Variants in UGP2 observed in about 807,000 individuals in gnomAD.
UGP2 encodes the protein UTP--glucose-1-phosphate uridylyltransferase.
UGP2 carries 40 observed loss-of-function variants against 49.0 expected under a neutral mutation model. That is an observed-to-expected ratio of 0.82 (90% CI 0.63 to 1.06). The LOEUF is 1.06. Ranked by LOEUF, UGP2 falls within the 50% of genes least tolerant of loss-of-function variation. The probability of loss-of-function intolerance (pLI) is 0.00; values close to 1 mark genes in which losing one functional copy is unlikely to be tolerated. For missense variants in UGP2, 460 were observed against 603.5 expected (o/e 0.76, Z 2.49); for synonymous variants, 225 against 213.0 (o/e 1.06, Z -0.49).
At chr2:63,873,610 G>A (rs910834422) in intron 3 of UGP2, among the ~76,000 whole-genome samples, 15 of 152,036 alleles carry the variant, frequency 9.9e-5, no homozygotes, top group African/African-American at 3.6e-4. Context: ...AAAAGTAGTT[G>A]GTGAAATGAA....
intron 1 of UGP2, among the ~76,000 whole-genome samples, chr2:63,846,682 T>G (rs369150579): frequency 3.9e-4 from 59 of 152,314 alleles, no homozygotes; most frequent in African/African-American, 1.3e-3. Flanking sequence ...GAGCTAATTA[T>G]AACTGGAGGG....
At chr2:63,890,016 ATAT>A in intron 8 of UGP2, 62 bp from the exon 9 acceptor site, 1 of 1,263,086 alleles carries the variant, frequency 7.9e-7, no homozygotes, top group Non-Finnish European at 1.1e-6. Flanking sequence ...TTTCTTGTTA[ATAT>A]TTTTCCTGTC....
chr2:63,880,365 G>A (rs1671220686), intron 3 of UGP2, among the ~76,000 whole-genome samples: 1 of 151,912 alleles, frequency 6.6e-6, no homozygotes. Context: ...GTAGGGTCGG[G>A]GTTTCACCAT....
intron 5 of UGP2, among the ~76,000 whole-genome samples, chr2:63,884,737 C>T (rs992687782): frequency 1.1e-4 from 17 of 151,886 alleles, no homozygotes; most frequent in Admixed American, 7.2e-4. Context: ...CATAATGAGA[C>T]GTCGTCTCTA....
At chr2:63,883,805 G>A (rs1382356569) in intron 4 of UGP2, among the ~76,000 whole-genome samples, 155 bp from the exon 5 acceptor site, 2 of 152,204 alleles carry the variant, frequency 1.3e-5, no homozygotes, top group East Asian at 1.9e-4. Context: ...AAAATGTCTG[G>A]CTCGTGCTGA....
chr2:63,884,123 A>G (rs139934979), intron 5 of UGP2, 30 bp downstream of exon 5: 2 of 1,608,602 alleles, frequency 1.2e-6, no homozygotes, highest in Non-Finnish European at 1.7e-6. Flanking sequence ...AACTCTGGGT[A>G]TGTTACTCCT....
At chr2:63,878,203 A>G (rs1671054235) in intron 3 of UGP2, among the ~76,000 whole-genome samples, 2 of 152,132 alleles carry the variant, frequency 1.3e-5, no homozygotes, top group Non-Finnish European at 1.5e-5. Flanking sequence ...TCCATCTTGT[A>G]TGAACATCTC....
chr2:63,870,542 TTAAAG>T, intron 3 of UGP2, among the ~76,000 whole-genome samples: 1 of 152,368 alleles, frequency 6.6e-6, no homozygotes, highest in East Asian at 1.9e-4. Context: ...ATTTTTTGAA[TTAAAG>T]TAGTGGGTGG....
At chr2:63,890,332 A>G (rs951160649) in intron 9 of UGP2, 147 bp downstream of exon 9, 5 of 618,984 alleles carry the variant, frequency 8.1e-6, no homozygotes, top group Non-Finnish European at 1.1e-5. Context: ...TGAAATGAGA[A>G]TCTTTAAAAT....
At chr2:63,857,715 T>G in intron 2 of UGP2, 114 bp from the exon 3 acceptor site, 1 of 1,097,676 alleles carries the variant, frequency 9.1e-7, no homozygotes, top group South Asian at 1.4e-5. Context: ...CATGTCCTAA[T>G]GGTGTAAGAA....
At chr2:63,871,593 C>T (rs949106967) in intron 3 of UGP2, among the ~76,000 whole-genome samples, 1 of 152,216 alleles carries the variant, frequency 6.6e-6, no homozygotes, top group African/African-American at 2.4e-5. Context: ...GCCACAAAAA[C>T]CTTTTTAAAT....
intron 9 of UGP2, 103 bp from the exon 10 acceptor site, chr2:63,891,012 GTTACT>G: frequency 2.7e-6 from 2 of 736,600 alleles, no homozygotes. Flanking sequence ...TATAAAAAAA[GTTACT>G]TCACTGTAAA....
Position 63,891,392 on chromosome 2 carries a change from GA to G in UGP2, c.*166del. 1 of 472,862 alleles carries G rather than the reference GA, an allele frequency of 2.1e-6. No homozygotes were observed. Among genetic ancestry groups the G allele is most frequent in the Non-Finnish European group, 3.7e-6 (1 of 273,806 alleles). 29.3% of individuals were successfully genotyped at this position (472,862 alleles called of 1,614,324 possible). A position where few individuals can be genotyped will look rare whatever the true frequency, so the allele number is the denominator to read the frequency against. On this transcript the variant is annotated 3_prime_UTR_variant, in exon 10 of 10. Transcript: ENST00000337130. ...ATGCTTTTAGTCTAAGAAAAGCACAGATGGAGCAATACTTTCCTTCTTTGAA... is the reference window on the plus strand; with the variant it reads ...ATGCTTTTAGTCTAAGAAAAGCACAGTGGAGCAATACTTTCCTTCTTTGAA...
chr2:63,875,565 T>G (rs1420482977), intron 3 of UGP2, among the ~76,000 whole-genome samples: 1 of 152,232 alleles, frequency 6.6e-6, no homozygotes, highest in Non-Finnish European at 1.5e-5. Flanking sequence ...AAAATCTCAT[T>G]CCACTTTCTG....
At chr2:63,856,967 A>G (rs1464452120) in intron 2 of UGP2, 1 of 379,354 alleles carries the variant, frequency 2.6e-6, no homozygotes, top group Non-Finnish European at 5.1e-6. Flanking sequence ...CTTTTAGTGA[A>G]GATTAATTTT....
chr2:63,842,646 C>G lies in UGP2; in HGVS notation c.19+442C>G, dbSNP rs771762804. 2.1e-6 allele frequency: 3 copies of G among 1,411,020 alleles called. No individual in the cohort carries two copies. The African/African-American group carries it at 4.3e-5, about 20-fold the overall frequency. The allele number at this position is 1,411,020 out of a possible 1,614,324, so 87.4% of individuals were successfully genotyped here. A position where few individuals can be genotyped will look rare whatever the true frequency, so the allele number is the denominator to read the frequency against. On this transcript the variant is annotated intron_variant, in intron 1 of 9. Coordinates refer to ENST00000337130, the MANE Select transcript of UGP2 (RefSeq NM_006759.4). ...GGGGAAGCTTTAGTGTTCTCCGCTT[C>G]TACTTCGTTTGTGTGTACGTGGTTT... is the stretch of plus-strand genomic sequence containing the variant.
At chr2:63,843,506 C>T (rs1236602690) in intron 1 of UGP2, among the ~76,000 whole-genome samples, 1 of 152,178 alleles carries the variant, frequency 6.6e-6, no homozygotes, top group East Asian at 1.9e-4. Flanking sequence ...CAAGTTACTT[C>T]TCTTTAAAAG....
intron 1 of UGP2, among the ~76,000 whole-genome samples, chr2:63,847,779 G>A (rs1321170176): frequency 6.6e-6 from 1 of 152,138 alleles, no homozygotes; most frequent in African/African-American, 2.4e-5. Context: ...CTTTTGTGGT[G>A]GAATGTCATC....
intron 1 of UGP2, among the ~76,000 whole-genome samples, chr2:63,850,466 CTTAAT>C (rs1668976637): frequency 6.6e-6 from 1 of 152,100 alleles, no homozygotes; most frequent in Admixed American, 6.5e-5. Flanking sequence ...ATTTACTTTT[CTTAAT>C]TTATCATTGA....
Sources: gnomAD v4.1 joint callset for allele counts (sites outside exome capture counted in the v4.1 genomes callset) on GRCh38, gnomAD v4.1.1 for gene constraint, MANE v1.5 for transcripts, NCBI Gene and HGNC (gene_info 2026-07-23, HGNC 2026-07-21) for gene names.